Variants in CNTN5 observed in about 807,000 individuals in gnomAD.
CNTN5 encodes contactin-5.
In CNTN5, 77 loss-of-function variants were observed where a neutral mutation model predicts 129.1. The observed-to-expected ratio is 0.60, with a 90% CI of 0.50 to 0.72. The LOEUF (loss-of-function observed/expected upper bound fraction) is 0.72, where lower values mean the gene tolerates loss of function less well. CNTN5 is among the 30% of genes least tolerant of loss of function. The probability of loss-of-function intolerance (pLI) is 0.00; values close to 1 mark genes in which losing one functional copy is unlikely to be tolerated. For synonymous variants in CNTN5, 509 were observed against 465.6 expected (o/e 1.09, Z -1.20); for missense variants, 1,478 against 1,328.8 (o/e 1.11, Z -1.75).
chr11:100,302,629 T>C (rs1206251902), intron 20 of CNTN5, among the ~76,000 whole-genome samples: 1 of 151,254 alleles, frequency 6.6e-6, no homozygotes, highest in African/African-American at 2.4e-5. Flanking sequence ...GGAAGAAAAA[T>C]GTCAAATGCA....
intron 6 of CNTN5, among the ~76,000 whole-genome samples, chr11:99,874,205 TTAAAA>T (rs1300335887): frequency 2.6e-5 from 4 of 152,142 alleles, no homozygotes; most frequent in African/African-American, 4.8e-5. Flanking sequence ...GAAGCTAAAA[TTAAAA>T]TAAAAAAGAT....
intron 1 of CNTN5, among the ~76,000 whole-genome samples, chr11:99,105,622 A>T (rs1460047300): frequency 2.0e-5 from 3 of 152,182 alleles, no homozygotes; most frequent in African/African-American, 7.2e-5. Context: ...CATGACAAAG[A>T]CAAGAGCATC....
intron 3 of CNTN5, among the ~76,000 whole-genome samples, chr11:99,766,206 AG>A (rs529006738): frequency 6.6e-6 from 1 of 152,234 alleles, no homozygotes; most frequent in South Asian, 2.1e-4. Context: ...CAATTTCAAA[AG>A]GTATTTCTGG....
At chr11:100,297,420 G>A (rs1474783824) in intron 18 of CNTN5, among the ~76,000 whole-genome samples, 1 of 151,446 alleles carries the variant, frequency 6.6e-6, no homozygotes, top group Non-Finnish European at 1.5e-5. Flanking sequence ...CAAGAGGCAT[G>A]GTGCAATAAG....
At chr11:99,645,773 G>C (rs1951937136) in intron 3 of CNTN5, among the ~76,000 whole-genome samples, 1 of 84,214 alleles carries the variant, frequency 1.2e-5, no homozygotes, top group South Asian at 3.6e-4. Flanking sequence ...ACAGGGAGGG[G>C]AACATTGCAC....
Position 99,190,855 on chromosome 11 carries a change from T to C in CNTN5, c.-209-134491T>C, listed in dbSNP as rs148369381. Among the ~76,000 whole-genome samples the C allele has an allele frequency of 1.3e-3, 197 of 151,794 alleles. 1 individual carries two copies. Among genetic ancestry groups the C allele is most frequent in the African/African-American group, 4.4e-3 (184 of 41,520 alleles). ...TATTTTTTTTCTCTTGCCTAACTCC[T>C]CAAGCTAGAACATCTAGGATTATGT... is the stretch of plus-strand genomic sequence containing the variant. On this transcript the variant is annotated intron_variant, in intron 1 of 24. Transcript: ENST00000524871.
At chr11:100,050,509 A>G (rs936793956) in intron 9 of CNTN5, among the ~76,000 whole-genome samples, 2 of 152,078 alleles carry the variant, frequency 1.3e-5, no homozygotes, top group Non-Finnish European at 2.9e-5. Context: ...TAGCTTTAGG[A>G]GATATACCTA....
intron 8 of CNTN5, among the ~76,000 whole-genome samples, chr11:99,962,010 A>G (rs184768861): frequency 6.6e-6 from 1 of 152,260 alleles, no homozygotes; most frequent in South Asian, 2.1e-4. Flanking sequence ...ACACACACAC[A>G]TATATGCAAT....
Position 99,744,943 on chromosome 11 carries a change from C to A in CNTN5, c.56-74601C>A, listed in dbSNP as rs149208684. On this transcript the variant is annotated intron_variant, in intron 3 of 24. Coordinates refer to ENST00000524871, the MANE Select transcript of CNTN5 (RefSeq NM_014361.4). ...TAAGGCAGGCGTTATTTTTAGCGTT[C>A]TATTCCTTCATTTCCCCTACTATTC... Among the ~76,000 whole-genome samples, 4 of 152,224 alleles carry A rather than the reference C, an allele frequency of 2.6e-5. No homozygotes were observed. The East Asian group carries it at 7.7e-4, about 29-fold the overall frequency.
chr11:99,914,464 T>C (rs2136005432), intron 6 of CNTN5, among the ~76,000 whole-genome samples: 1 of 152,248 alleles, frequency 6.6e-6, no homozygotes, highest in Non-Finnish European at 1.5e-5. Flanking sequence ...TTGTATTATC[T>C]CATACATATG....
chr11:100,258,503 GA>G (rs1363354769), intron 17 of CNTN5, among the ~76,000 whole-genome samples: 3 of 152,186 alleles, frequency 2.0e-5, no homozygotes, highest in Admixed American at 1.3e-4. Context: ...CACCAAGGTT[GA>G]AATGAAGGAA....
chr11:99,266,187 A>C (rs1344372839), intron 1 of CNTN5, among the ~76,000 whole-genome samples: 1 of 152,058 alleles, frequency 6.6e-6, no homozygotes, highest in Non-Finnish European at 1.5e-5. Context: ...TTTGAACAAA[A>C]TAAATAAATA....
intron 13 of CNTN5, among the ~76,000 whole-genome samples, chr11:100,119,693 A>G (rs1161848063): frequency 2.0e-5 from 3 of 151,942 alleles, no homozygotes; most frequent in African/African-American, 7.2e-5. Context: ...ATGGGAAAGA[A>G]AAGAAAAACG....
intron 3 of CNTN5, among the ~76,000 whole-genome samples, chr11:99,627,569 G>A (rs1951177081): frequency 2.0e-5 from 3 of 152,036 alleles, no homozygotes; most frequent in Admixed American, 2.0e-4. Flanking sequence ...CCCCAGTGGG[G>A]AATTTAGAAG....
At chr11:100,211,699 T>C (rs1252176288) in intron 15 of CNTN5, among the ~76,000 whole-genome samples, 1 of 152,200 alleles carries the variant, frequency 6.6e-6, no homozygotes, top group Admixed American at 6.5e-5. Flanking sequence ...ACACTTAGCT[T>C]TGTACTTCTC....
At chr11:99,767,952 A>G (rs780773103) in intron 3 of CNTN5, among the ~76,000 whole-genome samples, 3 of 152,140 alleles carry the variant, frequency 2.0e-5, no homozygotes, top group Non-Finnish European at 4.4e-5. Flanking sequence ...GGGATCTTCA[A>G]ACTAGAGTTT....
At chr11:100,095,252 T>A (rs1421142554) in intron 13 of CNTN5, among the ~76,000 whole-genome samples, 1 of 152,136 alleles carries the variant, frequency 6.6e-6, no homozygotes, top group African/African-American at 2.4e-5. Context: ...AGACTATGTT[T>A]TTATGTGGAA....
At chr11:99,432,002 C>A (rs1264524108) in intron 2 of CNTN5, among the ~76,000 whole-genome samples, 4 of 152,032 alleles carry the variant, frequency 2.6e-5, no homozygotes, top group Admixed American at 2.0e-4. Context: ...GGGGGATAGT[C>A]AAATATGTAT....
At chr11:99,290,816 G>A (rs1431036518) in intron 1 of CNTN5, among the ~76,000 whole-genome samples, 1 of 151,812 alleles carries the variant, frequency 6.6e-6, no homozygotes, top group East Asian at 1.9e-4. Flanking sequence ...AATCACTGAT[G>A]AAATGTCGGT....
Sources: allele counts gnomAD v4.1 joint callset (sites outside exome capture counted in the v4.1 genomes callset), GRCh38; gene constraint gnomAD v4.1.1; transcripts MANE v1.5; gene names NCBI Gene and HGNC (gene_info 2026-07-23, HGNC 2026-07-21).